The following FNDC3B variants were observed in gnomAD, a reference collection of about 807,000 sequenced individuals.
FNDC3B encodes the protein fibronectin type III domain-containing protein 3B.
A neutral mutation model predicts 151.5 loss-of-function variants in FNDC3B; 12 were observed. That is an observed-to-expected ratio of 0.08 (90% confidence interval 0.05 to 0.13). The LOEUF (loss-of-function observed/expected upper bound fraction) is 0.13. Among genes scored for constraint, FNDC3B ranks in the 10% least tolerant of loss-of-function variants. The probability of loss-of-function intolerance (pLI) is 1.00; values close to 1 mark genes in which losing one functional copy is unlikely to be tolerated. For synonymous variants in FNDC3B, 528 were observed against 549.0 expected, an observed-to-expected ratio of 0.96 and a Z score of 0.54; for missense variants, 1,214 against 1,505.3, an observed-to-expected ratio of 0.81 and a Z score of 3.20.
At chr3:172,260,985 C>T (rs1371074593) in intron 6 of FNDC3B, among the ~76,000 whole-genome samples, 1 of 152,164 alleles carries the variant, frequency 6.6e-6, no homozygotes. Context: ...ACAACAACTT[C>T]TCTATATTTA....
chr3:172,112,857 G>A (rs946393512), intron 2 of FNDC3B, among the ~76,000 whole-genome samples: 8 of 152,102 alleles, frequency 5.3e-5, no homozygotes, highest in East Asian at 1.9e-4. Flanking sequence ...AAAAGTCTTC[G>A]AAATAAAATG....
At chr3:172,319,167 A>G (rs1264460940) in intron 11 of FNDC3B, among the ~76,000 whole-genome samples, 1 of 152,142 alleles carries the variant, frequency 6.6e-6, no homozygotes, top group African/African-American at 2.4e-5. Flanking sequence ...TGATTTATCA[A>G]CTCGCCTTTG....
In FNDC3B at chr3:172,066,371, T is replaced by C. The variant is rs545302839; in HGVS notation, c.-29+26600T>C. Among the ~76,000 whole-genome samples, 4 of 152,366 alleles carry C rather than the reference T, an allele frequency of 2.6e-5. No individual in the cohort carries two copies. In the East Asian group the frequency reaches 7.7e-4, roughly 29 times the overall value. ...CATATCAACCCTGGAAGGGGAACGA[T>C]GTGATTCCTATTTTCCTGATGAGAA... is the stretch of plus-strand genomic sequence containing the variant. On this transcript the variant is annotated intron_variant, in intron 1 of 25. Transcript: ENST00000415807.
At chr3:172,132,008 G>A (rs1484343510) in intron 2 of FNDC3B, among the ~76,000 whole-genome samples, 2 of 152,268 alleles carry the variant, frequency 1.3e-5, no homozygotes, top group Non-Finnish European at 1.5e-5. Context: ...AGAAGGAAAG[G>A]CAGACACTAA....
chr3:172,353,388 A>G (rs1396502161), intron 22 of FNDC3B, among the ~76,000 whole-genome samples: 1 of 152,220 alleles, frequency 6.6e-6, no homozygotes, highest in Non-Finnish European at 1.5e-5. Flanking sequence ...GGGCTTTGGC[A>G]ATATGTTAGC....
rs542657611 is a variant in FNDC3B at position 172,399,630 on chromosome 3, C to T, written c.*2155C>T. On this transcript the variant is annotated 3_prime_UTR_variant, in exon 26 of 26. Coordinates refer to ENST00000415807, the MANE Select transcript of FNDC3B (RefSeq NM_022763.4). ...CAAAGTTCTGGCCTTCCAAAACTCA[C>T]CCCCTTATTTAAATGTGTGCTATGA... 6.6e-6 allele frequency: 1 copy of T among 151,752 alleles called. No homozygotes were observed. The highest frequency in any genetic ancestry group is 1.5e-5 in the Non-Finnish European group (1 of 67,738). The allele number at this position is 151,752 out of a possible 1,614,324, so 9.4% of individuals were successfully genotyped here.
chr3:172,316,369 G>A (rs1486522887), intron 11 of FNDC3B: 20 of 449,702 alleles, frequency 4.4e-5, no homozygotes, highest in Admixed American at 3.0e-4. Context: ...GAAGCTATGG[G>A]AGAAGGATTG....
chr3:172,152,956 G>T (rs538049375), intron 3 of FNDC3B, among the ~76,000 whole-genome samples: 16 of 152,074 alleles, frequency 1.1e-4, no homozygotes, highest in African/African-American at 3.9e-4. Flanking sequence ...ATGACATCTG[G>T]CATGGCTTCT....
chr3:172,245,654 C>G (rs905948655), intron 4 of FNDC3B, among the ~76,000 whole-genome samples: 10 of 151,864 alleles, frequency 6.6e-5, no homozygotes, highest in Non-Finnish European at 1.2e-4. Context: ...TGATAATTAT[C>G]AATACATGCA....
At chr3:172,248,518 A>G (rs573559193) in intron 5 of FNDC3B, among the ~76,000 whole-genome samples, 1 of 152,150 alleles carries the variant, frequency 6.6e-6, no homozygotes, top group East Asian at 1.9e-4. Flanking sequence ...GTAAAATTAG[A>G]CTTTAGCCTC....
chr3:172,262,874 A>C (rs1447765801), intron 6 of FNDC3B, among the ~76,000 whole-genome samples: 1 of 131,386 alleles, frequency 7.6e-6, no homozygotes, highest in African/African-American at 2.8e-5. Context: ...TTTCGCCTAG[A>C]TGACAGAGTG....
intron 3 of FNDC3B, among the ~76,000 whole-genome samples, chr3:172,202,503 T>C (rs1433561481): frequency 6.6e-6 from 1 of 152,252 alleles, no homozygotes; most frequent in African/African-American, 2.4e-5. Context: ...TGTTAGATAC[T>C]TTCTGTCATA....
intron 3 of FNDC3B, among the ~76,000 whole-genome samples, chr3:172,134,947 C>CT (rs1721288652): frequency 6.6e-6 from 1 of 150,594 alleles, no homozygotes; most frequent in Non-Finnish European, 1.5e-5. Context: ...AAACAGATAC[C>CT]GTGAACAATT....
At chr3:172,152,153 G>A (rs1255557256) in intron 3 of FNDC3B, among the ~76,000 whole-genome samples, 3 of 152,096 alleles carry the variant, frequency 2.0e-5, no homozygotes, top group Non-Finnish European at 4.4e-5. Flanking sequence ...ATAACATTTC[G>A]GTTTGTTTTG....
At chr3:172,289,397 T>G (rs1354593913) in intron 7 of FNDC3B, among the ~76,000 whole-genome samples, 1 of 139,762 alleles carries the variant, frequency 7.2e-6, no homozygotes, top group African/African-American at 3.0e-5. Context: ...GGTCACACCT[T>G]CAAAGTCCCT....
At chr3:172,353,480 G>C (rs1733952418) in intron 22 of FNDC3B, among the ~76,000 whole-genome samples, 1 of 152,182 alleles carries the variant, frequency 6.6e-6, no homozygotes, top group South Asian at 2.1e-4. Flanking sequence ...ATTTCTAAAA[G>C]GATGGCATTG....
rs903376586 is a variant in FNDC3B at position 172,040,141 on chromosome 3, G to T, written c.-29+370G>T. Among the ~76,000 whole-genome samples, 2 of 152,178 alleles carry T rather than the reference G, an allele frequency of 1.3e-5. No individual in the cohort carries two copies. The highest frequency in any genetic ancestry group is 4.8e-5 in the African/African-American group (2 of 41,446). On this transcript the variant is annotated intron_variant, in intron 1 of 25. Transcript: ENST00000415807. The surrounding 1 kb of genome is among the most constrained non-coding windows in gnomAD (Gnocchi z 6.6). ...CCAGCCTTCCCAGCAGATTTTGTCC[G>T]AGGAATCCGCTCCCCCTCCCGGAAT...
At chr3:172,094,656 C>T (rs552665983) in intron 1 of FNDC3B, among the ~76,000 whole-genome samples, 1 of 152,014 alleles carries the variant, frequency 6.6e-6, no homozygotes, top group Non-Finnish European at 1.5e-5. Flanking sequence ...TAAACAAGCA[C>T]CCCGCTTAAT....
At chr3:172,312,283 C>T (rs540686826) in intron 11 of FNDC3B, among the ~76,000 whole-genome samples, 27 of 152,204 alleles carry the variant, frequency 1.8e-4, no homozygotes, top group African/African-American at 2.4e-4. Flanking sequence ...TTCTTAGGAT[C>T]GTTTCGAATA....
Sources: gnomAD v4.1 joint callset for allele counts (sites outside exome capture counted in the v4.1 genomes callset) on GRCh38, gnomAD v4.1.1 for gene constraint, Gnocchi (gnomAD v3.1) non-coding constraint, MANE v1.5 for transcripts, NCBI Gene and HGNC (gene_info 2026-07-23, HGNC 2026-07-21) for gene names.